The following NTSR1 variants were observed in gnomAD, a reference collection of about 807,000 sequenced individuals.
The protein encoded by NTSR1 is neurotensin receptor 1, also known as neurotensin receptor type 1.
NTSR1 carries 29 observed loss-of-function variants against 31.2 expected under a neutral mutation model. The ratio of observed to expected loss-of-function variants is 0.93; its 90% confidence interval spans 0.69 to 1.27. The LOEUF is 1.27. NTSR1 is among the 50% of genes most tolerant of loss of function. The pLI is 0.00. For synonymous variants in NTSR1, 282 were observed against 269.9 expected (o/e 1.04, Z -0.44); for missense variants, 697 against 595.4 (o/e 1.17, Z -1.78).
rs117581237 is a variant in NTSR1 at position 62,723,395 on chromosome 20, G to A, written c.714+13474G>A. On this transcript the variant is annotated intron_variant, in intron 1 of 3. Coordinates refer to ENST00000370501, the MANE Select transcript of NTSR1 (RefSeq NM_002531.3). ...GAGGGACCGCAAGTGTGTCTGGGCC[G>A]TGTCACTCCGGAGCTGCGAATAGAG... is the stretch of plus-strand genomic sequence containing the variant. Among the ~76,000 whole-genome samples the A allele has an allele frequency of 2.7e-3, 409 of 152,326 alleles. 1 individual carries two copies. Among genetic ancestry groups the A allele is most frequent in the Non-Finnish European group, 4.1e-3 (282 of 68,026 alleles).
intron 1 of NTSR1, among the ~76,000 whole-genome samples, chr20:62,738,146 C>T (rs563945893): frequency 9.3e-5 from 9 of 97,122 alleles, no homozygotes; most frequent in East Asian, 4.7e-4. Context: ...CTCCACGAGG[C>T]GGGCCTGGGC....
Position 62,709,146 on chromosome 20 carries a change from A to T in NTSR1, c.-62A>T, listed in dbSNP as rs1390530339. On this transcript the variant is annotated 5_prime_UTR_variant, in exon 1 of 4. Coordinates refer to ENST00000370501, the MANE Select transcript of NTSR1 (RefSeq NM_002531.3). ...ATCGGTCCCCGCCTGAGACGCGCCCACTCCTGCCCGGACTTCCAGCCCCGG... is the reference window on the plus strand; with the variant it reads ...ATCGGTCCCCGCCTGAGACGCGCCCTCTCCTGCCCGGACTTCCAGCCCCGG... 1.6e-6 allele frequency: 2 copies of T among 1,289,076 alleles called. No homozygotes were observed. The highest frequency in any genetic ancestry group is 1.6e-5 in the African/African-American group (1 of 63,288). 79.9% of individuals were successfully genotyped at this position (1,289,076 alleles called of 1,614,324 possible). A position where few individuals can be genotyped will look rare whatever the true frequency, so the allele number is the denominator to read the frequency against.
At chr20:62,754,445 G>T (rs1052724440) in intron 1 of NTSR1, among the ~76,000 whole-genome samples, 1 of 152,192 alleles carries the variant, frequency 6.6e-6, no homozygotes, top group Non-Finnish European at 1.5e-5. Context: ...AGGGGAGTCT[G>T]CAAACTTCTT....
At chr20:62,712,508 TC>T (rs1988635878) in intron 1 of NTSR1, among the ~76,000 whole-genome samples, 1 of 152,186 alleles carries the variant, frequency 6.6e-6, no homozygotes, top group Non-Finnish European at 1.5e-5. Context: ...CTTACAATAA[TC>T]CTCCCTGAAG....
At chr20:62,718,727 C>T (rs2147133406) in intron 1 of NTSR1, among the ~76,000 whole-genome samples, 1 of 152,300 alleles carries the variant, frequency 6.6e-6, no homozygotes, top group Middle Eastern at 3.4e-3. Flanking sequence ...CAGTCAGATC[C>T]ATTCTGTGGA....
rs1989271502 is a variant in NTSR1, at chr20:62,744,892, C to G, written c.715-9793C>G. On this transcript the variant is annotated intron_variant, in intron 1 of 3. Coordinates refer to ENST00000370501, the MANE Select transcript of NTSR1 (RefSeq NM_002531.3). The surrounding 1 kb of genome is among the most constrained non-coding windows in gnomAD (Gnocchi z 4.1). Reference sequence around the variant, plus strand: ...CAACCACTCAAACGCCATTCCCAGACCCAGACAGGGCTAGGAGGCAAGGGG... The same window carrying G: ...CAACCACTCAAACGCCATTCCCAGAGCCAGACAGGGCTAGGAGGCAAGGGG... Among the ~76,000 whole-genome samples the G allele has an allele frequency of 6.6e-6, 1 of 152,190 alleles. No homozygotes were observed. Among genetic ancestry groups the G allele is most frequent in the Non-Finnish European group, 1.5e-5 (1 of 68,022 alleles).
In NTSR1 at chr20:62,709,155, C is replaced by T. The variant is rs950968171; in HGVS notation, c.-53C>T. Reference sequence around the variant, plus strand: ...CGCCTGAGACGCGCCCACTCCTGCCCGGACTTCCAGCCCCGGAGGCGCCGG... The same window carrying T: ...CGCCTGAGACGCGCCCACTCCTGCCTGGACTTCCAGCCCCGGAGGCGCCGG... On this transcript the variant is annotated 5_prime_UTR_variant, in exon 1 of 4. Coordinates refer to ENST00000370501, the MANE Select transcript of NTSR1 (RefSeq NM_002531.3). 13 of 1,339,114 alleles carry T rather than the reference C, an allele frequency of 9.7e-6. No homozygotes were observed. Among genetic ancestry groups the T allele is most frequent in the Non-Finnish European group, 1.1e-5 (11 of 1,037,808 alleles). The allele number at this position is 1,339,114 out of a possible 1,614,324, so 83.0% of individuals were successfully genotyped here.
chr20:62,756,456 T>C (rs1303265061), intron 2 of NTSR1, among the ~76,000 whole-genome samples: 1 of 152,228 alleles, frequency 6.6e-6, no homozygotes, highest in African/African-American at 2.4e-5. Context: ...GGTCTTCAGT[T>C]TGGTTTGCCT....
At chr20:62,724,009 C>T (rs892523402) in intron 1 of NTSR1, among the ~76,000 whole-genome samples, 1 of 152,196 alleles carries the variant, frequency 6.6e-6, no homozygotes, top group Admixed American at 6.5e-5. Context: ...TCTGTGTCTG[C>T]CCAGTGGCTT....
chr20:62,709,400 C>T lies in NTSR1; in HGVS notation c.193C>T (p.Leu65=). ...DVNTDIYSKV[L]VTAVYLALFV... ...GAACACCGACATCTACTCCAAGGTG[C>T]TGGTGACCGCCGTGTACCTGGCGCT... The change falls in exon 1 of 4, where the codon CTG becomes TTG. Residue 65 remains leucine (L), a synonymous_variant. Transcript: ENST00000370501. The T allele has an allele frequency of 6.2e-7, 1 of 1,609,382 alleles. No homozygotes were observed. The highest frequency in any genetic ancestry group is 8.5e-7 in the Non-Finnish European group (1 of 1,177,326).
At chr20:62,731,940 G>A (rs1204160099) in intron 1 of NTSR1, among the ~76,000 whole-genome samples, 2 of 152,156 alleles carry the variant, frequency 1.3e-5, no homozygotes, top group Non-Finnish European at 2.9e-5. Flanking sequence ...CCAATATAGT[G>A]AAACCCCCAT....
chr20:62,745,414 A>G lies in NTSR1; in HGVS notation c.715-9271A>G, dbSNP rs1301314144. ...AGAGATAGAGACACAGACTCAGGAAAACAGACAGAGAGAGACACAGGAGAA... is the reference window on the plus strand; with the variant it reads ...AGAGATAGAGACACAGACTCAGGAAGACAGACAGAGAGAGACACAGGAGAA... On this transcript the variant is annotated intron_variant, in intron 1 of 3. Coordinates refer to ENST00000370501, the MANE Select transcript of NTSR1 (RefSeq NM_002531.3). The surrounding 1 kb of genome is among the most constrained non-coding windows in gnomAD (Gnocchi z 4.1). 6.6e-6 allele frequency among the ~76,000 whole-genome samples: 1 copy of G among 152,072 alleles called. No individual in the cohort carries two copies. Among genetic ancestry groups the G allele is most frequent in the African/African-American group, 2.4e-5 (1 of 41,394 alleles).
intron 1 of NTSR1, among the ~76,000 whole-genome samples, chr20:62,717,718 G>A (rs573345612): frequency 1.3e-5 from 2 of 152,240 alleles, no homozygotes; most frequent in Admixed American, 1.3e-4. Context: ...TGAGCATCTG[G>A]GCTAACATCT....
rs539155058 is a variant in NTSR1, at chr20:62,748,360, T to A, written c.715-6325T>A. Among the ~76,000 whole-genome samples, 256 of 152,190 alleles carry A rather than the reference T, an allele frequency of 1.7e-3. 1 individual carries two copies. The highest frequency in any genetic ancestry group is 6.0e-3 in the African/African-American group (248 of 41,508). Reference sequence around the variant, plus strand: ...GTTAAAATTTTCATACTACCCAAAGTGATCTACAGATTCAGTGCAATCCCT... The same window carrying A: ...GTTAAAATTTTCATACTACCCAAAGAGATCTACAGATTCAGTGCAATCCCT... On this transcript the variant is annotated intron_variant, in intron 1 of 3. Transcript: ENST00000370501.
intron 1 of NTSR1, among the ~76,000 whole-genome samples, chr20:62,728,124 G>A (rs1048746497): frequency 2.0e-5 from 3 of 152,224 alleles, no homozygotes; most frequent in African/African-American, 7.2e-5. Flanking sequence ...TGAGGGGTGT[G>A]GACTGGACAG....
chr20:62,710,496 G>C (rs1988586587), intron 1 of NTSR1, among the ~76,000 whole-genome samples: 1 of 152,206 alleles, frequency 6.6e-6, no homozygotes. Flanking sequence ...GGAAGTGTTT[G>C]CATGGCCCCT....
At chr20:62,717,220 G>A (rs1988746427) in intron 1 of NTSR1, among the ~76,000 whole-genome samples, 2 of 152,244 alleles carry the variant, frequency 1.3e-5, no homozygotes, top group Admixed American at 1.3e-4. Context: ...AGGTTGGAGA[G>A]GGGAGGTGCC....
chr20:62,734,339 G>A (rs942864678), intron 1 of NTSR1, among the ~76,000 whole-genome samples: 1 of 151,948 alleles, frequency 6.6e-6, no homozygotes, highest in African/African-American at 2.4e-5. Context: ...CTTGGGCTTC[G>A]GTGCAGTAGG....
rs1334507362 is a variant in NTSR1 at position 62,715,245 on chromosome 20, C to A, written c.714+5324C>A. 6.6e-6 allele frequency among the ~76,000 whole-genome samples: 1 copy of A among 152,188 alleles called. No individual in the cohort carries two copies. Among genetic ancestry groups the A allele is most frequent in the Non-Finnish European group, 1.5e-5 (1 of 68,040 alleles). The stretch of plus-strand genomic sequence containing the variant: ...TGAGAGGGCAGGACAGGGAGGTGAC[C>A]TTGGCCTTGTTCCAGGCACCAGACC... On this transcript the variant is annotated intron_variant, in intron 1 of 3. Transcript: ENST00000370501. The surrounding 1 kb of genome is among the most constrained non-coding windows in gnomAD (Gnocchi z 4.7).
Sources: allele counts gnomAD v4.1 joint callset (sites outside exome capture counted in the v4.1 genomes callset), GRCh38; gene constraint gnomAD v4.1.1; non-coding constraint Gnocchi (gnomAD v3.1); transcripts MANE v1.5; gene names NCBI Gene and HGNC (gene_info 2026-07-23, HGNC 2026-07-21).